The following BCKDHB variants were observed in gnomAD, a reference collection of about 807,000 sequenced individuals.
BCKDHB encodes the protein 2-oxoisovalerate dehydrogenase subunit beta, mitochondrial.
BCKDHB carries 41 observed loss-of-function variants against 48.5 expected under a neutral mutation model. The ratio of observed to expected loss-of-function variants is 0.85; its 90% confidence interval spans 0.66 to 1.10. The LOEUF is 1.10. Ranked by LOEUF, BCKDHB falls within the 50% of genes least tolerant of loss-of-function variation. The pLI, the probability that BCKDHB is intolerant of heterozygous loss-of-function variation, is 0.00. For missense variants in BCKDHB, 496 were observed against 494.2 expected (o/e 1.00, Z -0.03); for synonymous variants, 201 against 174.8 (o/e 1.15, Z -1.18).
At chr6:80,407,852 C>A in the BCKDHB span, among the ~76,000 whole-genome samples, 2 of 152,126 alleles carry the variant, frequency 1.3e-5, no homozygotes, top group African/African-American at 2.4e-5. Flanking sequence ...TTATTTCTTT[C>A]TTTTGCCTGA....
chr6:80,120,620 A>G (rs1173571813), intron 1 of BCKDHB, among the ~76,000 whole-genome samples: 2 of 152,162 alleles, frequency 1.3e-5, no homozygotes, highest in African/African-American at 4.8e-5. Context: ...CGGTGATGAT[A>G]AGCATTTTCT....
chr6:80,440,374 A>G, the BCKDHB span, among the ~76,000 whole-genome samples: 1 of 152,224 alleles, frequency 6.6e-6, no homozygotes, highest in Non-Finnish European at 1.5e-5. Flanking sequence ...GTCATAAATA[A>G]TAAGTGAATG....
At position 80,204,014 on chromosome 6, in the gene BCKDHB, T is replaced by C. The variant is rs1051820397; in HGVS notation, c.951+802T>C. On this transcript the variant is annotated intron_variant, in intron 8 of 9. Coordinates refer to ENST00000320393, the MANE Select transcript of BCKDHB (RefSeq NM_183050.4). ...AATAGATAAGTACAATAGATATATG[T>C]ACGATTAATAGATAGATGTACAATT... Among the ~76,000 whole-genome samples the C allele has an allele frequency of 2.0e-5, 3 of 152,126 alleles. No homozygotes were observed. In the South Asian group the frequency reaches 6.2e-4, roughly 31 times the overall value.
intron 1 of BCKDHB, among the ~76,000 whole-genome samples, chr6:80,124,923 T>A (rs187796245): frequency 6.6e-6 from 1 of 152,152 alleles, no homozygotes; most frequent in African/African-American, 2.4e-5. Context: ...GAATGGTGAA[T>A]GAACATTGGC....
intron 6 of BCKDHB, among the ~76,000 whole-genome samples, chr6:80,194,719 C>G (rs1224980181): frequency 6.6e-6 from 1 of 152,170 alleles, no homozygotes. Context: ...ATGATGTTTA[C>G]TTGTTTTTAC....
At chr6:80,160,380 A>G (rs900560648) in intron 3 of BCKDHB, among the ~76,000 whole-genome samples, 1 of 151,622 alleles carries the variant, frequency 6.6e-6, no homozygotes, top group Non-Finnish European at 1.5e-5. Context: ...CTGGTTTCGA[A>G]CTCCTGGCCT....
chr6:80,264,617 C>T (rs1405116307), intron 8 of BCKDHB, among the ~76,000 whole-genome samples: 1 of 152,044 alleles, frequency 6.6e-6, no homozygotes, highest in Non-Finnish European at 1.5e-5. Context: ...AGCAGTCTGG[C>T]AGAGGATGTG....
intron 8 of BCKDHB, among the ~76,000 whole-genome samples, chr6:80,244,690 G>A (rs1181264276): frequency 6.6e-6 from 1 of 152,154 alleles, no homozygotes; most frequent in African/African-American, 2.4e-5. Context: ...GAGCAAAATG[G>A]TAGCCTTGTG....
chr6:80,428,059 T>G, the BCKDHB span, among the ~76,000 whole-genome samples: 1 of 151,908 alleles, frequency 6.6e-6, no homozygotes, highest in African/African-American at 2.4e-5. Flanking sequence ...TGTGTGATGT[T>G]CCCCTCCCTG....
rs1770051333 is a variant in BCKDHB, at chr6:80,343,912, G to A, written c.*108G>A. The A allele has an allele frequency of 3.4e-6, 5 of 1,453,430 alleles. No homozygotes were observed. The highest frequency in any genetic ancestry group is 4.8e-6 in the Non-Finnish European group (5 of 1,038,530). 90.0% of individuals were successfully genotyped at this position (1,453,430 alleles called of 1,614,324 possible). A position where few individuals can be genotyped will look rare whatever the true frequency, so the allele number is the denominator to read the frequency against. On this transcript the variant is annotated 3_prime_UTR_variant, in exon 10 of 10. Transcript: ENST00000320393. ...CAGTGTTTTGATGGTAACAAACTTT[G>A]ATGGTAAAGTTGGTAAAAGGCAACT... is the stretch of plus-strand genomic sequence containing the variant.
At chr6:80,269,630 C>T (rs1441178193) in intron 8 of BCKDHB, among the ~76,000 whole-genome samples, 1 of 151,978 alleles carries the variant, frequency 6.6e-6, no homozygotes, top group Admixed American at 6.6e-5. Context: ...TCCAGCCTTA[C>T]GTGATCTTTC....
chr6:80,107,293 T>C (rs1008164198), intron 1 of BCKDHB, among the ~76,000 whole-genome samples: 39 of 145,562 alleles, frequency 2.7e-4, no homozygotes, highest in African/African-American at 8.7e-4. Context: ...TTAAAAGATA[T>C]ATATATATGT....
In BCKDHB at chr6:80,129,224, A is replaced by G. The variant is rs770263755; in HGVS notation, c.338A>G (p.Lys113Arg). ...VFRCTVGLRD[K>R]YGKDRVFNTP... The stretch of plus-strand genomic sequence containing the variant: ...AGATGCACTGTTGGCTTGCGAGACA[A>G]ATATGGTAAGTAAATACCTATATGA... The change falls in exon 3 of 10, where the codon AAA (lysine) becomes AGA (arginine). Residue 113 changes from lysine (K) to arginine (R), a missense_variant. Coordinates refer to ENST00000320393, the MANE Select transcript of BCKDHB (RefSeq NM_183050.4). 3 of 1,609,130 alleles carry G rather than the reference A, an allele frequency of 1.9e-6. No homozygotes were observed. The highest frequency in any genetic ancestry group is 2.6e-6 in the Non-Finnish European group (3 of 1,176,130).
the BCKDHB span, among the ~76,000 whole-genome samples, chr6:80,400,471 G>A: frequency 6.6e-6 from 1 of 151,974 alleles, no homozygotes; most frequent in Non-Finnish European, 1.5e-5. Flanking sequence ...ATATAAAAAT[G>A]CTCAACATCA....
chr6:80,372,913 T>C, the BCKDHB span, among the ~76,000 whole-genome samples: 1 of 152,150 alleles, frequency 6.6e-6, no homozygotes, highest in Non-Finnish European at 1.5e-5. Flanking sequence ...TATTTTTCTT[T>C]TTCTGTTATG....
intron 8 of BCKDHB, among the ~76,000 whole-genome samples, chr6:80,237,120 G>A (rs1467645423): frequency 2.0e-5 from 3 of 152,140 alleles, no homozygotes; most frequent in Admixed American, 2.0e-4. Context: ...GAGAGAGTTT[G>A]GCTTTGTTCT....
intron 1 of BCKDHB, among the ~76,000 whole-genome samples, chr6:80,124,076 G>T (rs1340772889): frequency 6.6e-6 from 1 of 152,182 alleles, no homozygotes; most frequent in Admixed American, 6.5e-5. Flanking sequence ...GTGTCCCAGA[G>T]ATTCTGGTAC....
At chr6:80,305,921 G>A (rs1172588046) in intron 9 of BCKDHB, among the ~76,000 whole-genome samples, 1 of 152,172 alleles carries the variant, frequency 6.6e-6, no homozygotes, top group African/African-American at 2.4e-5. Context: ...ATTCAGCAGT[G>A]AATCTAGAGC....
At chr6:80,197,992 A>G (rs1302093709) in intron 6 of BCKDHB, among the ~76,000 whole-genome samples, 1 of 151,816 alleles carries the variant, frequency 6.6e-6, no homozygotes, top group African/African-American at 2.4e-5. Context: ...CTATGCATCT[A>G]TCCATGCAAT....
Sources: gnomAD v4.1 joint callset for allele counts (sites outside exome capture counted in the v4.1 genomes callset) on GRCh38, gnomAD v4.1.1 for gene constraint, MANE v1.5 for transcripts, NCBI Gene and HGNC (gene_info 2026-07-23, HGNC 2026-07-21) for gene names.